Variants in STPG2 observed in about 807,000 individuals in gnomAD.
STPG2 encodes sperm tail PG-rich repeat containing 2.
A neutral mutation model predicts 54.2 loss-of-function variants in STPG2; 56 were observed. That is an observed-to-expected ratio of 1.03 (90% CI 0.83 to 1.29). The LOEUF (loss-of-function observed/expected upper bound fraction) is 1.29. STPG2 is among the 50% of genes most tolerant of loss of function. The pLI is 0.00. For synonymous variants in STPG2, 200 were observed against 181.8 expected, an observed-to-expected ratio of 1.10 and a Z score of -0.81; for missense variants, 596 against 544.9, an observed-to-expected ratio of 1.09 and a Z score of -0.93.
chr4:97,445,911 T>C (rs1255577959), intron 4 of STPG2, among the ~76,000 whole-genome samples: 2 of 152,314 alleles, frequency 1.3e-5, no homozygotes, highest in South Asian at 2.1e-4. Flanking sequence ...AAAAGGAATC[T>C]TTTTCTGGGA....
intron 5 of STPG2, among the ~76,000 whole-genome samples, chr4:98,072,181 G>A (rs1369496510): frequency 6.6e-6 from 1 of 152,088 alleles, no homozygotes; most frequent in Non-Finnish European, 1.5e-5. Context: ...ATGATAGACT[G>A]GATAAAGAAA....
At chr4:97,515,700 G>A (rs1731060763) in intron 4 of STPG2, among the ~76,000 whole-genome samples, 1 of 151,918 alleles carries the variant, frequency 6.6e-6, no homozygotes, top group African/African-American at 2.4e-5. Flanking sequence ...AAAGGTACTT[G>A]TACTACTGAG....
intron 5 of STPG2, among the ~76,000 whole-genome samples, chr4:98,104,050 C>T (rs940533078): frequency 1.3e-5 from 2 of 152,210 alleles, no homozygotes; most frequent in African/African-American, 4.8e-5. Flanking sequence ...ATGACCACCT[C>T]TGCTAGTGAC....
chr4:98,080,162 T>C (rs1738299323), intron 5 of STPG2, among the ~76,000 whole-genome samples: 1 of 152,180 alleles, frequency 6.6e-6, no homozygotes, highest in Non-Finnish European at 1.5e-5. Context: ...ATTTCACATA[T>C]AAAGAAAATT....
chr4:97,874,302 T>C (rs757849255), intron 8 of STPG2, among the ~76,000 whole-genome samples: 1 of 151,724 alleles, frequency 6.6e-6, no homozygotes, highest in African/African-American at 2.4e-5. Context: ...GTTTTCTCTG[T>C]GTTTTTATAA....
chr4:97,871,597 G>T (rs1173415670), intron 8 of STPG2, among the ~76,000 whole-genome samples: 5 of 151,018 alleles, frequency 3.3e-5, no homozygotes, highest in Non-Finnish European at 7.4e-5. Context: ...ACTAACATCA[G>T]TTTTGTTAGA....
chr4:97,504,005 T>A (rs56032977), intron 4 of STPG2, among the ~76,000 whole-genome samples: 1 of 144,240 alleles, frequency 6.9e-6, no homozygotes, highest in Non-Finnish European at 1.5e-5. Context: ...AAATATATTT[T>A]CATATTCATA....
chr4:97,773,309 A>G (rs767239821), intron 9 of STPG2, among the ~76,000 whole-genome samples: 15 of 152,044 alleles, frequency 9.9e-5, no homozygotes, highest in Non-Finnish European at 1.9e-4. Flanking sequence ...AAATTACTGT[A>G]TAATTTATTA....
At chr4:97,442,274 C>T (rs1729107327) in intron 4 of STPG2, among the ~76,000 whole-genome samples, 1 of 151,498 alleles carries the variant, frequency 6.6e-6, no homozygotes, top group Admixed American at 6.6e-5. Flanking sequence ...TTCAATCATC[C>T]AATACTCTTC....
At chr4:97,888,935 T>A (rs1730673544) in intron 8 of STPG2, among the ~76,000 whole-genome samples, 1 of 152,066 alleles carries the variant, frequency 6.6e-6, no homozygotes, top group East Asian at 1.9e-4. Flanking sequence ...GTATGGCACC[T>A]CCCTCCACTC....
intron 10 of STPG2, among the ~76,000 whole-genome samples, chr4:97,636,947 A>G (rs1471588738): frequency 6.6e-6 from 1 of 152,200 alleles, no homozygotes; most frequent in African/African-American, 2.4e-5. Context: ...TTCTGAACCT[A>G]TTCCAATCAA....
chr4:97,715,566 A>G (rs1184826736), intron 9 of STPG2, among the ~76,000 whole-genome samples: 2 of 151,526 alleles, frequency 1.3e-5, no homozygotes, highest in Non-Finnish European at 1.5e-5. Flanking sequence ...GTGGCCTCAG[A>G]AAAAAAAACT....
chr4:97,789,773 C>A (rs1251078745), intron 9 of STPG2, among the ~76,000 whole-genome samples: 1 of 152,080 alleles, frequency 6.6e-6, no homozygotes, highest in African/African-American at 2.4e-5. Context: ...CTAATAAAGA[C>A]CATCGTGGAA....
intron 9 of STPG2, among the ~76,000 whole-genome samples, chr4:97,776,551 A>G (rs1460854901): frequency 6.6e-6 from 1 of 152,218 alleles, no homozygotes; most frequent in African/African-American, 2.4e-5. Context: ...TATTACAGCG[A>G]GATGAATGGA....
intron 10 of STPG2, chr4:97,572,709 AC>A (rs1732630438): frequency 6.6e-6 from 1 of 152,104 alleles, no homozygotes; most frequent in Non-Finnish European, 1.5e-5. Flanking sequence ...TATCCTCCAA[AC>A]TGTGAGACCT....
chr4:97,815,016 GC>G (rs1448235410), intron 9 of STPG2, among the ~76,000 whole-genome samples: 1 of 152,074 alleles, frequency 6.6e-6, no homozygotes, highest in Non-Finnish European at 1.5e-5. Flanking sequence ...TAAGGTCAAT[GC>G]AAAAGCACAA....
At chr4:97,960,509 T>C (rs1047480773) in intron 7 of STPG2, among the ~76,000 whole-genome samples, 1 of 152,136 alleles carries the variant, frequency 6.6e-6, no homozygotes, top group African/African-American at 2.4e-5. Flanking sequence ...AGTTTCCAGA[T>C]ACAAAATTAA....
intron 8 of STPG2, among the ~76,000 whole-genome samples, chr4:97,938,670 C>A (rs1050239193): frequency 2.6e-4 from 39 of 152,172 alleles, no homozygotes; most frequent in African/African-American, 8.9e-4. Flanking sequence ...GGCTGGATGG[C>A]ACGCTCACTC....
intron 9 of STPG2, among the ~76,000 whole-genome samples, chr4:97,773,568 T>C (rs1339320516): frequency 1.3e-5 from 2 of 152,098 alleles, no homozygotes; most frequent in African/African-American, 4.8e-5. Flanking sequence ...CACCTCAGCC[T>C]TCCAAAGTGT....
Sources: gnomAD v4.1 joint callset for allele counts (sites outside exome capture counted in the v4.1 genomes callset) on GRCh38, gnomAD v4.1.1 for gene constraint, MANE v1.5 for transcripts, NCBI Gene and HGNC (gene_info 2026-07-23, HGNC 2026-07-21) for gene names.